Variants in TTC17 observed in about 807,000 individuals in gnomAD.
TTC17 encodes the protein tetratricopeptide repeat protein 17.
TTC17 carries 58 observed loss-of-function variants against 143.8 expected under a neutral mutation model. The ratio of observed to expected loss-of-function variants is 0.40; its 90% confidence interval spans 0.33 to 0.50. TTC17 has a LOEUF of 0.50. Ranked by LOEUF, TTC17 falls within the 20% of genes least tolerant of loss-of-function variation. TTC17 has a pLI of 0.49. For synonymous variants in TTC17, 501 were observed against 497.8 expected, an observed-to-expected ratio of 1.01 and a Z score of -0.09; for missense variants, 1,273 against 1,392.5, an observed-to-expected ratio of 0.91 and a Z score of 1.37.
chr11:43,485,141 C>G (rs1039470030), intron 21 of TTC17, among the ~76,000 whole-genome samples: 4 of 152,058 alleles, frequency 2.6e-5, no homozygotes, highest in African/African-American at 9.7e-5. Context: ...CATCCCAAAA[C>G]CACCCCCTAC....
At chr11:43,488,755 A>T (rs1948421929) in intron 21 of TTC17, among the ~76,000 whole-genome samples, 2 of 152,252 alleles carry the variant, frequency 1.3e-5, no homozygotes, top group Middle Eastern at 6.8e-3. Context: ...GAAGTGCACT[A>T]AGTGGTGTGA....
At chr11:43,491,630 T>C (rs1034798317) in intron 22 of TTC17, 2 of 160,726 alleles carry the variant, frequency 1.2e-5, no homozygotes, top group Non-Finnish European at 2.7e-5. Flanking sequence ...TAATGGTTCT[T>C]GCAGAAATTA....
At chr11:43,392,640 C>T (rs560250878) in intron 5 of TTC17, among the ~76,000 whole-genome samples, 8 of 152,274 alleles carry the variant, frequency 5.3e-5, no homozygotes, top group African/African-American at 1.9e-4. Flanking sequence ...AATAACTTGA[C>T]TTTCAGATGC....
chr11:43,443,698 C>T, intron 17 of TTC17, 114 bp downstream of exon 17: 11 of 1,315,026 alleles, frequency 8.4e-6, no homozygotes, highest in Non-Finnish European at 1.0e-5. Flanking sequence ...CTATGCACTC[C>T]AGGACAGCCT....
At chr11:43,454,125 G>A (rs574119270) in intron 21 of TTC17, among the ~76,000 whole-genome samples, 1 of 152,308 alleles carries the variant, frequency 6.6e-6, no homozygotes, top group South Asian at 2.1e-4. Context: ...GAGAATAGGA[G>A]AATATATGAA....
intron 13 of TTC17, 101 bp downstream of exon 13, chr11:43,406,052 T>A: frequency 3.0e-6 from 4 of 1,335,208 alleles, no homozygotes; most frequent in Non-Finnish European, 4.0e-6. Context: ...CTGTTGAGCT[T>A]TAAGTGTATA....
chr11:43,443,177 G>C, intron 16 of TTC17, 148 bp from the exon 17 acceptor site: 1 of 893,210 alleles, frequency 1.1e-6, no homozygotes, highest in Non-Finnish European at 1.6e-6. Context: ...GTATTTTGAA[G>C]ATGCTGAATG....
At chr11:43,407,937 T>G (rs1332811095) in intron 15 of TTC17, among the ~76,000 whole-genome samples, 1 of 152,192 alleles carries the variant, frequency 6.6e-6, no homozygotes. Flanking sequence ...TTACACTGTT[T>G]TACAACTTTA....
chr11:43,363,803 A>AT (rs149739349), intron 1 of TTC17, among the ~76,000 whole-genome samples: 6 of 152,124 alleles, frequency 3.9e-5, no homozygotes, highest in African/African-American at 9.7e-5. Flanking sequence ...TACTCAGTAG[A>AT]TTTTTTTTCC....
At chr11:43,464,695 A>C (rs542951414) in intron 21 of TTC17, among the ~76,000 whole-genome samples, 67 of 152,316 alleles carry the variant, frequency 4.4e-4, no homozygotes, top group Non-Finnish European at 7.8e-4. Flanking sequence ...GAAAATTGTC[A>C]AACGGAATTA....
At chr11:43,400,128 G>A in intron 9 of TTC17, 80 bp downstream of exon 9, 1 of 1,464,424 alleles carries the variant, frequency 6.8e-7, no homozygotes, top group East Asian at 2.3e-5. Context: ...CTTTCTTGTA[G>A]CCTTAAAGCA....
At chr11:43,416,478 A>G (rs918925628) in intron 16 of TTC17, among the ~76,000 whole-genome samples, 1 of 152,068 alleles carries the variant, frequency 6.6e-6, no homozygotes, top group African/African-American at 2.4e-5. Flanking sequence ...TTCTTAGTAC[A>G]TGTAACTCAT....
In TTC17 at chr11:43,427,433, C is replaced by T. The variant is rs919735647; in HGVS notation, c.2251+12657C>T. Among the ~76,000 whole-genome samples, 13 of 152,212 alleles carry T rather than the reference C, an allele frequency of 8.5e-5. 1 individual carries two copies. The South Asian group carries it at 1.0e-3, about 12-fold the overall frequency. ...TGTAACATCTGCCTTTTGCAGAATCCGTGGAAATTGTACCAAATCTTGGTA... is the reference window on the plus strand; with the variant it reads ...TGTAACATCTGCCTTTTGCAGAATCTGTGGAAATTGTACCAAATCTTGGTA... On this transcript the variant is annotated intron_variant, in intron 16 of 23. Coordinates refer to ENST00000039989, the MANE Select transcript of TTC17 (RefSeq NM_018259.6).
At chr11:43,399,551 C>G (rs190863988) in intron 8 of TTC17, among the ~76,000 whole-genome samples, 2 of 151,978 alleles carry the variant, frequency 1.3e-5, no homozygotes, top group Middle Eastern at 3.4e-3. Flanking sequence ...GCCTGTAGTC[C>G]CAGATACTCC....
intron 2 of TTC17, among the ~76,000 whole-genome samples, chr11:43,379,573 C>T (rs1856887043): frequency 6.6e-6 from 1 of 152,034 alleles, no homozygotes; most frequent in African/African-American, 2.4e-5. Context: ...TCTTAAAACT[C>T]ATTTATCTTT....
chr11:43,416,557 T>C (rs996132275), intron 16 of TTC17, among the ~76,000 whole-genome samples: 5 of 152,176 alleles, frequency 3.3e-5, no homozygotes, highest in Non-Finnish European at 7.4e-5. Flanking sequence ...TCCAGGAAAC[T>C]AATAACTTGG....
At chr11:43,397,023 T>G in intron 6 of TTC17, 1 of 468,696 alleles carries the variant, frequency 2.1e-6, no homozygotes, top group Non-Finnish European at 3.8e-6. Flanking sequence ...ATACTTTCCA[T>G]TTCCATTAAG....
chr11:43,413,108 G>C (rs932337692), intron 15 of TTC17, among the ~76,000 whole-genome samples: 7 of 151,994 alleles, frequency 4.6e-5, no homozygotes, highest in African/African-American at 1.7e-4. Context: ...AATTAAAAGA[G>C]TATGGTATTG....
At chr11:43,440,975 T>C (rs1254493538) in intron 16 of TTC17, among the ~76,000 whole-genome samples, 2 of 150,966 alleles carry the variant, frequency 1.3e-5, no homozygotes, top group Admixed American at 6.6e-5. Context: ...AAAAAAAAAT[T>C]GTTAACTCTG....
Sources: allele counts gnomAD v4.1 joint callset (sites outside exome capture counted in the v4.1 genomes callset), GRCh38; gene constraint gnomAD v4.1.1; transcripts MANE v1.5; gene names NCBI Gene and HGNC (gene_info 2026-07-23, HGNC 2026-07-21).